The following TNS3 variants were observed in gnomAD, a reference collection of about 807,000 sequenced individuals.
TNS3 encodes tensin-3.
Under a neutral mutation model 140.9 loss-of-function variants are expected in TNS3, and 45 were observed. The ratio of observed to expected loss-of-function variants is 0.32; its 90% confidence interval spans 0.25 to 0.41. The LOEUF is 0.41. Among genes scored for constraint, TNS3 ranks in the 10% least tolerant of loss-of-function variants. TNS3 has a pLI of 1.00. For missense variants in TNS3, 1,716 were observed against 1,906.7 expected (o/e 0.90, Z 1.86); for synonymous variants, 815 against 788.4 (o/e 1.03, Z -0.56).
chr7:47,321,077 G>A (rs1462744187), intron 20 of TNS3, among the ~76,000 whole-genome samples: 2 of 152,212 alleles, frequency 1.3e-5, no homozygotes. Flanking sequence ...CCAGCCTGAG[G>A]CAGGACTCCA....
intron 3 of TNS3, among the ~76,000 whole-genome samples, chr7:47,492,917 G>A (rs892203003): frequency 3.3e-5 from 5 of 152,212 alleles, no homozygotes; most frequent in South Asian, 2.1e-4. Context: ...TCATCAGGAC[G>A]GCACTGAGCT....
intron 3 of TNS3, among the ~76,000 whole-genome samples, chr7:47,490,846 G>A (rs1797783999): frequency 1.3e-5 from 2 of 152,208 alleles, no homozygotes; most frequent in Non-Finnish European, 2.9e-5. Flanking sequence ...GATTTGTTAG[G>A]CAACAACAGA....
chr7:47,309,782 ACATCAGCTG>A (rs1786977998), intron 20 of TNS3, among the ~76,000 whole-genome samples: 1 of 152,260 alleles, frequency 6.6e-6, no homozygotes, highest in Non-Finnish European at 1.5e-5. Flanking sequence ...AAAGATGGCC[ACATCAGCTG>A]CATCAGCTCA....
chr7:47,500,457 C>T (rs150001349), intron 3 of TNS3, among the ~76,000 whole-genome samples: 286 of 152,328 alleles, frequency 1.9e-3, no homozygotes, highest in African/African-American at 6.7e-3. Context: ...AGCCCTGTCA[C>T]CTGTAAGAGG....
chr7:47,481,544 C>T (rs1797418629), intron 3 of TNS3: 1 of 557,558 alleles, frequency 1.8e-6, no homozygotes, highest in Non-Finnish European at 2.3e-6. Context: ...TTCAAGACCC[C>T]ACTCCTCCCA....
In TNS3 at chr7:47,442,032, G is replaced by A. The variant is rs372399998; in HGVS notation, c.-52C>T. On this transcript the variant is annotated 5_prime_UTR_variant, in exon 5 of 31. Coordinates refer to ENST00000311160, the MANE Select transcript of TNS3 (RefSeq NM_022748.12). ...GAGGTTTATCACGGCAGAGAGAACT[G>A]GACAGCGTGGAACTCCCTGGAGCCT... The A allele has an allele frequency of 1.9e-5, 25 of 1,286,502 alleles. No individual in the cohort carries two copies. The East Asian group carries it at 1.2e-3, about 63-fold the overall frequency. The allele number at this position is 1,286,502 out of a possible 1,614,324, so 79.7% of individuals were successfully genotyped here. A position where few individuals can be genotyped will look rare whatever the true frequency, so the allele number is the denominator to read the frequency against.
In TNS3 at chr7:47,302,247, G is replaced by T; in HGVS notation, c.3483C>A (p.Ile1161=). ...LPDSPGDKLV[I]VKFVQDTSKF... ...TGGAAGTGTCTTGAACAAATTTCAC[G>T]ATCACAAGTTTATCACCTGGACTAT... Residue 1161 remains isoleucine, a synonymous_variant, in exon 23 of 31, where the codon ATC becomes ATA. Transcript: ENST00000311160. 2 of 1,614,160 alleles carry T rather than the reference G, an allele frequency of 1.2e-6. No individual in the cohort carries two copies. Among genetic ancestry groups the T allele is most frequent in the Non-Finnish European group, 1.7e-6 (2 of 1,179,990 alleles).
chr7:47,279,989 G>T, intron 30 of TNS3, 175 bp downstream of exon 30: 1 of 726,700 alleles, frequency 1.4e-6, no homozygotes, highest in Non-Finnish European at 2.3e-6. Context: ...AAAGTTAACA[G>T]CATCCAGATC....
At chr7:47,317,644 A>C (rs1033760737) in intron 20 of TNS3, among the ~76,000 whole-genome samples, 3 of 152,212 alleles carry the variant, frequency 2.0e-5, no homozygotes, top group Non-Finnish European at 4.4e-5. Flanking sequence ...AGTTGTAAAA[A>C]AATGTGCTTT....
intron 4 of TNS3, 25 bp from the exon 5 acceptor site, chr7:47,442,080 T>C (rs1445811860): frequency 5.6e-6 from 7 of 1,255,394 alleles, no homozygotes; most frequent in Non-Finnish European, 7.2e-6. Context: ...ACAAGGGTCA[T>C]TTTGAAGTTT....
At chr7:47,541,743 T>G (rs560570491) in intron 1 of TNS3, among the ~76,000 whole-genome samples, 1 of 152,138 alleles carries the variant, frequency 6.6e-6, no homozygotes, top group African/African-American at 2.4e-5. Flanking sequence ...GGTCAGGAGA[T>G]GGAGACCATC....
At chr7:47,427,530 T>C (rs1271878565) in intron 9 of TNS3, among the ~76,000 whole-genome samples, 1 of 152,252 alleles carries the variant, frequency 6.6e-6, no homozygotes, top group African/African-American at 2.4e-5. Context: ...AATAATATTT[T>C]CTGCACTGCA....
At chr7:47,395,516 T>C (rs554371179) in intron 16 of TNS3, among the ~76,000 whole-genome samples, 46 of 152,380 alleles carry the variant, frequency 3.0e-4, no homozygotes, top group Non-Finnish European at 6.3e-4. Flanking sequence ...AACTGTTGTT[T>C]GATAAATCTT....
At chr7:47,481,652 C>A (rs910271798) in intron 3 of TNS3, 156 of 985,220 alleles carry the variant, frequency 1.6e-4, no homozygotes, top group Non-Finnish European at 1.8e-4. Context: ...GCAATGTCAA[C>A]CTGGTTATTC....
chr7:47,529,217 G>A, intron 1 of TNS3, 70 bp from the exon 2 acceptor site: 4 of 872,188 alleles, frequency 4.6e-6, no homozygotes, highest in Non-Finnish European at 6.2e-6. Context: ...TTTCATTTAA[G>A]GGAAATAATA....
In TNS3 at chr7:47,344,825, C is replaced by A; in HGVS notation, c.2580G>T (p.Leu860=). ...CAGGTGGGCTGAACGGAGGATGGCG[C>A]AGCGCTGTTTTCACTGGAAAAGAAA... ...SPETPYVKTA[L]RHPPFSPPEP... The change falls in exon 20 of 31, where the codon CTG becomes CTT. Residue 860 remains leucine, a synonymous_variant. Transcript: ENST00000311160. 1.9e-6 allele frequency: 3 copies of A among 1,613,870 alleles called. No individual in the cohort carries two copies. The highest frequency in any genetic ancestry group is 2.5e-6 in the Non-Finnish European group (3 of 1,179,998).
At chr7:47,341,263 T>G (rs1788998372) in intron 20 of TNS3, among the ~76,000 whole-genome samples, 1 of 152,208 alleles carries the variant, frequency 6.6e-6, no homozygotes, top group Non-Finnish European at 1.5e-5. Flanking sequence ...ACAAAATGAA[T>G]TAGGACATGA....
At chr7:47,440,928 C>T (rs1403484709) in intron 5 of TNS3, among the ~76,000 whole-genome samples, 1 of 152,094 alleles carries the variant, frequency 6.6e-6, no homozygotes, top group Non-Finnish European at 1.5e-5. Context: ...TCCATGTACC[C>T]ACATCACCTA....
intron 1 of TNS3, among the ~76,000 whole-genome samples, chr7:47,561,099 G>A (rs1280315075): frequency 6.6e-6 from 1 of 152,210 alleles, no homozygotes; most frequent in East Asian, 1.9e-4. Context: ...CGCTGGTTGG[G>A]CAAACTTCAG....
Sources: gnomAD v4.1 joint callset for allele counts (sites outside exome capture counted in the v4.1 genomes callset) on GRCh38, gnomAD v4.1.1 for gene constraint, MANE v1.5 for transcripts, NCBI Gene and HGNC (gene_info 2026-07-23, HGNC 2026-07-21) for gene names.